The following SLC14A2 variants were observed in gnomAD, a reference collection of about 807,000 sequenced individuals.
SLC14A2 encodes solute carrier family 14 member 2.
A neutral mutation model predicts 104.6 loss-of-function variants in SLC14A2; 91 were observed. The ratio of observed to expected loss-of-function variants is 0.87; its 90% CI spans 0.73 to 1.04. The LOEUF is 1.04. Ranked by LOEUF, SLC14A2 falls within the 50% of genes least tolerant of loss-of-function variation. SLC14A2 has a pLI of 0.00. For synonymous variants in SLC14A2, 476 were observed against 466.4 expected (o/e 1.02, Z -0.27); for missense variants, 1,189 against 1,156.0 (o/e 1.03, Z -0.41).
intron 10 of SLC14A2, chr18:45,646,126 C>G (rs986590438): frequency 1.3e-4 from 20 of 152,238 alleles, no homozygotes; most frequent in African/African-American, 4.8e-4. Context: ...CCGCCTTCTA[C>G]ATTGTCTGGG....
At chr18:45,332,791 A>G (rs531375453) in intron 1 of SLC14A2, among the ~76,000 whole-genome samples, 1 of 152,312 alleles carries the variant, frequency 6.6e-6, no homozygotes, top group East Asian at 1.9e-4. Flanking sequence ...GATTGAAATA[A>G]AAGTGCTGGC....
At chr18:45,446,964 G>A (rs2086781408) in intron 1 of SLC14A2, among the ~76,000 whole-genome samples, 1 of 151,876 alleles carries the variant, frequency 6.6e-6, no homozygotes, top group South Asian at 2.1e-4. Context: ...CCTCCACTTT[G>A]TCCTAAAAGA....
chr18:45,633,875 G>C (rs532296107), intron 5 of SLC14A2, among the ~76,000 whole-genome samples: 2 of 152,078 alleles, frequency 1.3e-5, no homozygotes, highest in South Asian at 2.1e-4. Context: ...TTAGGGTTTC[G>C]TTCTTAATCC....
At chr18:45,459,135 CAA>C (rs1400692255) in intron 1 of SLC14A2, among the ~76,000 whole-genome samples, 1 of 152,164 alleles carries the variant, frequency 6.6e-6, no homozygotes, top group African/African-American at 2.4e-5. Flanking sequence ...CTCTCCCCAG[CAA>C]TGGAAAGGGC....
intron 1 of SLC14A2, among the ~76,000 whole-genome samples, chr18:45,249,166 C>T (rs558349912): frequency 2.0e-5 from 3 of 152,142 alleles, no homozygotes; most frequent in Admixed American, 1.3e-4. Flanking sequence ...CATTTATAAG[C>T]GTGTTTGCCT....
intron 1 of SLC14A2, among the ~76,000 whole-genome samples, chr18:45,469,965 A>C (rs1431026572): frequency 1.3e-5 from 2 of 152,230 alleles, no homozygotes; most frequent in African/African-American, 2.4e-5. Flanking sequence ...GTTTGTAAAA[A>C]TACAGCGAGT....
At chr18:45,500,143 G>A (rs943238904) in intron 2 of SLC14A2, among the ~76,000 whole-genome samples, 8 of 152,310 alleles carry the variant, frequency 5.3e-5, no homozygotes, top group African/African-American at 1.9e-4. Flanking sequence ...AGAATACAGT[G>A]TACAAGAAAG....
intron 1 of SLC14A2, among the ~76,000 whole-genome samples, chr18:45,421,450 A>G (rs1045619775): frequency 6.6e-6 from 1 of 152,194 alleles, no homozygotes; most frequent in African/African-American, 2.4e-5. Flanking sequence ...ACGCATTTCA[A>G]CAGGTATGAG....
At chr18:45,441,996 C>G (rs2086689089) in intron 1 of SLC14A2, among the ~76,000 whole-genome samples, 1 of 152,170 alleles carries the variant, frequency 6.6e-6, no homozygotes, top group African/African-American at 2.4e-5. Flanking sequence ...CCTGGGAGAA[C>G]TGGCTGTCCT....
chr18:45,358,291 C>A (rs915024297), intron 1 of SLC14A2, among the ~76,000 whole-genome samples: 19 of 152,182 alleles, frequency 1.2e-4, no homozygotes, highest in African/African-American at 4.3e-4. Flanking sequence ...ATTAATGACG[C>A]TTGGACAGCA....
At chr18:45,543,573 T>A (rs769854037) in intron 2 of SLC14A2, among the ~76,000 whole-genome samples, 1 of 152,202 alleles carries the variant, frequency 6.6e-6, no homozygotes, top group Non-Finnish European at 1.5e-5. Context: ...CTTTCAGTAT[T>A]AAGATTCTCT....
intron 1 of SLC14A2, among the ~76,000 whole-genome samples, chr18:45,404,632 G>A (rs1307187170): frequency 6.6e-6 from 1 of 152,134 alleles, no homozygotes; most frequent in South Asian, 2.1e-4. Context: ...GTCTCTCAAG[G>A]ACAGACCCCA....
intron 1 of SLC14A2, among the ~76,000 whole-genome samples, chr18:45,453,663 G>A (rs531088126): frequency 6.6e-6 from 1 of 151,786 alleles, no homozygotes; most frequent in Non-Finnish European, 1.5e-5. Flanking sequence ...TTGTGATCCT[G>A]TGAACTTTGT....
At chr18:45,618,275 T>C (rs1432041349) in intron 1 of SLC14A2, among the ~76,000 whole-genome samples, 1 of 152,156 alleles carries the variant, frequency 6.6e-6, no homozygotes, top group Non-Finnish European at 1.5e-5. Context: ...AATTGCAAGG[T>C]CTTAGGCAAA....
chr18:45,618,540 G>T (rs1458001207), intron 1 of SLC14A2, among the ~76,000 whole-genome samples: 1 of 151,708 alleles, frequency 6.6e-6, no homozygotes, highest in Non-Finnish European at 1.5e-5. Context: ...GTGGTGGCAG[G>T]CGCCTGTAAT....
chr18:45,529,246 CTAT>C (rs1395067339), intron 2 of SLC14A2: 1 of 152,198 alleles, frequency 6.6e-6, no homozygotes, highest in East Asian at 1.9e-4. Flanking sequence ...GTCAAAACAG[CTAT>C]TTAACCTTGT....
chr18:45,331,202 G>T (rs533449867), intron 1 of SLC14A2, among the ~76,000 whole-genome samples: 2 of 152,186 alleles, frequency 1.3e-5, no homozygotes, highest in African/African-American at 4.8e-5. Context: ...AACTCCCTTT[G>T]TCTTCAGATT....
intron 2 of SLC14A2, among the ~76,000 whole-genome samples, chr18:45,535,563 A>G (rs1275071736): frequency 6.6e-6 from 1 of 152,140 alleles, no homozygotes; most frequent in Non-Finnish European, 1.5e-5. Flanking sequence ...AGATTGTGCA[A>G]AGAAGGAATA....
intron 1 of SLC14A2, among the ~76,000 whole-genome samples, chr18:45,297,245 A>G (rs1031596348): frequency 1.6e-4 from 24 of 152,224 alleles, no homozygotes; most frequent in African/African-American, 5.8e-4. Context: ...CTATTGAAAG[A>G]CAGTTTAAAA....
Sources: gnomAD v4.1 joint callset for allele counts (sites outside exome capture counted in the v4.1 genomes callset) on GRCh38, gnomAD v4.1.1 for gene constraint, MANE v1.5 for transcripts, NCBI Gene and HGNC (gene_info 2026-07-23, HGNC 2026-07-21) for gene names.